SCHIP1: variants seen among roughly 807,000 people sequenced by gnomAD.
SCHIP1 encodes the protein schwannomin interacting protein 1.
A neutral mutation model predicts 29.7 loss-of-function variants in SCHIP1; 8 were observed. The observed-to-expected ratio is 0.27, with a 90% CI of 0.16 to 0.49. The LOEUF (loss-of-function observed/expected upper bound fraction) is 0.49, where lower values mean the gene tolerates loss of function less well. SCHIP1 is among the 20% of genes least tolerant of loss of function. The probability of loss-of-function intolerance (pLI) is 0.99; values close to 1 mark genes in which losing one functional copy is unlikely to be tolerated. For missense variants in SCHIP1, 193 were observed against 294.6 expected (o/e 0.66, Z 2.52); for synonymous variants, 76 against 94.9 (o/e 0.80, Z 1.16).
the SCHIP1 span, among the ~76,000 whole-genome samples, chr3:159,747,988 G>A: frequency 2.0e-5 from 3 of 152,010 alleles, no homozygotes; most frequent in Non-Finnish European, 4.4e-5. Flanking sequence ...TGATCATAAA[G>A]TTTCATCCTT....
chr3:159,280,282 C>G, the SCHIP1 span, among the ~76,000 whole-genome samples: 2 of 152,202 alleles, frequency 1.3e-5, no homozygotes, highest in African/African-American at 4.8e-5. Flanking sequence ...CTTGTTGCCC[C>G]TCCTGGAATG....
chr3:159,494,748 AT>A, the SCHIP1 span, among the ~76,000 whole-genome samples: 1 of 152,132 alleles, frequency 6.6e-6, no homozygotes, highest in Non-Finnish European at 1.5e-5. Context: ...TCCCTAACTC[AT>A]TTTTTTAGGC....
chr3:159,742,233 A>AT, the SCHIP1 span, among the ~76,000 whole-genome samples: 1 of 152,202 alleles, frequency 6.6e-6, no homozygotes, highest in Non-Finnish European at 1.5e-5. Context: ...TCAAAAAAAA[A>AT]GAAATGCAGT....
the SCHIP1 span, among the ~76,000 whole-genome samples, chr3:159,672,637 C>A: frequency 0.033 from 5,046 of 152,218 alleles, 144 homozygotes; most frequent in African/African-American, 0.078. Flanking sequence ...TTCTAAACAT[C>A]CTACAATGCA....
the SCHIP1 span, among the ~76,000 whole-genome samples, chr3:159,528,470 C>T: frequency 2.0e-5 from 3 of 152,260 alleles, no homozygotes; most frequent in East Asian, 3.9e-4. Context: ...GAGAGAGACC[C>T]GCTGGCAGTG....
chr3:159,665,615 T>G, the SCHIP1 span, among the ~76,000 whole-genome samples: 1 of 150,740 alleles, frequency 6.6e-6, no homozygotes, highest in Non-Finnish European at 1.5e-5. Context: ...ATCCCCTCCA[T>G]CCCCTGACCA....
the SCHIP1 span, among the ~76,000 whole-genome samples, chr3:159,683,216 C>A: frequency 6.6e-6 from 1 of 151,944 alleles, no homozygotes; most frequent in African/African-American, 2.4e-5. Context: ...AGGCCCGACT[C>A]ATTTTTATAT....
At chr3:159,277,660 G>A in the SCHIP1 span, among the ~76,000 whole-genome samples, 34 of 144,978 alleles carry the variant, frequency 2.3e-4, no homozygotes, top group Admixed American at 6.9e-5. Flanking sequence ...AGTGGCTCAC[G>A]ACTGTAACCC....
the SCHIP1 span, among the ~76,000 whole-genome samples, chr3:159,681,173 G>A: frequency 6.6e-6 from 1 of 151,842 alleles, no homozygotes; most frequent in Non-Finnish European, 1.5e-5. Flanking sequence ...AGTGTATTCC[G>A]AGAGTTCTTT....
At chr3:159,770,321 G>A in the SCHIP1 span, among the ~76,000 whole-genome samples, 1 of 152,168 alleles carries the variant, frequency 6.6e-6, no homozygotes, top group Non-Finnish European at 1.5e-5. Context: ...GTGCAATGAT[G>A]CTATCTTGGC....
the SCHIP1 span, among the ~76,000 whole-genome samples, chr3:159,550,715 G>T: frequency 6.6e-6 from 1 of 151,854 alleles, no homozygotes; most frequent in African/African-American, 2.4e-5. Flanking sequence ...CAAAATTATG[G>T]CAAAATCAAT....
chr3:159,312,646 G>C, the SCHIP1 span, among the ~76,000 whole-genome samples: 3 of 152,186 alleles, frequency 2.0e-5, no homozygotes, highest in South Asian at 4.1e-4. Flanking sequence ...TGGTCACCAA[G>C]CACTCATTTC....
At chr3:159,444,670 A>G in the SCHIP1 span, among the ~76,000 whole-genome samples, 2 of 152,226 alleles carry the variant, frequency 1.3e-5, no homozygotes, top group Admixed American at 6.5e-5. Flanking sequence ...TACAAGAGAC[A>G]AAGTGATGAG....
chr3:159,366,354 T>G, the SCHIP1 span, among the ~76,000 whole-genome samples: 1 of 152,208 alleles, frequency 6.6e-6, no homozygotes, highest in South Asian at 2.1e-4. Context: ...GGGGATTACA[T>G]TTCAACATGA....
chr3:159,749,132 G>A, the SCHIP1 span, among the ~76,000 whole-genome samples: 19 of 151,974 alleles, frequency 1.3e-4, no homozygotes, highest in African/African-American at 4.1e-4. Context: ...AAAGTTAGCC[G>A]GGTGTGGTGG....
chr3:159,879,718 A>G (rs993636537), intron 2 of SCHIP1, among the ~76,000 whole-genome samples: 1 of 152,204 alleles, frequency 6.6e-6, no homozygotes, highest in Non-Finnish European at 1.5e-5. Context: ...TCCAAATTTA[A>G]TTACATGAAA....
At chr3:159,564,353 A>G in the SCHIP1 span, among the ~76,000 whole-genome samples, 1 of 151,220 alleles carries the variant, frequency 6.6e-6, no homozygotes, top group African/African-American at 2.4e-5. Flanking sequence ...CTTTCCTCCT[A>G]CCTCTACCAA....
the SCHIP1 span, among the ~76,000 whole-genome samples, chr3:159,757,573 T>C: frequency 5.3e-5 from 8 of 152,300 alleles, no homozygotes; most frequent in East Asian, 1.2e-3. Context: ...CTGTCACCGG[T>C]GGTGACCCCT....
the SCHIP1 span, among the ~76,000 whole-genome samples, chr3:159,364,234 T>C: frequency 2.6e-5 from 4 of 152,224 alleles, no homozygotes; most frequent in African/African-American, 4.8e-5. Flanking sequence ...TGATGCAGTC[T>C]TCTAAATGGC....
Sources: gnomAD v4.1 joint callset for allele counts (sites outside exome capture counted in the v4.1 genomes callset) on GRCh38, gnomAD v4.1.1 for gene constraint, MANE v1.5 for transcripts, NCBI Gene and HGNC (gene_info 2026-07-23, HGNC 2026-07-21) for gene names.